CSNK2A2IP: variants seen among roughly 807,000 people sequenced by gnomAD.
CSNK2A2IP encodes the protein casein kinase II subunit alpha'-interacting protein.
chr3:88,352,115 A>AT, the CSNK2A2IP span, among the ~76,000 whole-genome samples: 5 of 152,194 alleles, frequency 3.3e-5, no homozygotes, highest in African/African-American at 9.6e-5. Context: ...TTGTAATTCC[A>AT]TTTTTTTACT....
chr3:88,449,874 T>TACATATAGAGAGAGAGAGAGAGAG, the CSNK2A2IP span, among the ~76,000 whole-genome samples: 1 of 70,046 alleles, frequency 1.4e-5, no homozygotes, highest in Non-Finnish European at 3.2e-5. Flanking sequence ...TATATATATA[T>TACATATAGAGAGAGAGAGAGAGAG]AGAGAGAGAG....
At chr3:88,385,118 G>A in the CSNK2A2IP span, among the ~76,000 whole-genome samples, 5 of 152,176 alleles carry the variant, frequency 3.3e-5, no homozygotes, top group Non-Finnish European at 5.9e-5. Context: ...ATCACCTTGG[G>A]AGAGAGTATA....
the CSNK2A2IP span, among the ~76,000 whole-genome samples, chr3:88,366,918 A>G: frequency 2.6e-5 from 4 of 152,098 alleles, no homozygotes; most frequent in African/African-American, 9.7e-5. Flanking sequence ...AGCAAGACAG[A>G]ATGAGAGCCA....
At chr3:88,459,859 TG>T in the CSNK2A2IP span, among the ~76,000 whole-genome samples, 106 of 152,262 alleles carry the variant, frequency 7.0e-4, 1 homozygote, top group Non-Finnish European at 5.0e-4. Flanking sequence ...ATAACATCAT[TG>T]TTTTTTTTAA....
chr3:88,445,275 C>CAAA, the CSNK2A2IP span, among the ~76,000 whole-genome samples: 330 of 47,742 alleles, frequency 6.9e-3, 6 homozygotes, highest in African/African-American at 0.021. Flanking sequence ...GTAAAAATAC[C>CAAA]AAAAAAAAAA....
At chr3:88,376,838 T>C in the CSNK2A2IP span, among the ~76,000 whole-genome samples, 1 of 151,774 alleles carries the variant, frequency 6.6e-6, no homozygotes, top group Non-Finnish European at 1.5e-5. Flanking sequence ...TTAAACCCAA[T>C]GACTTTTCTG....
the CSNK2A2IP span, among the ~76,000 whole-genome samples, chr3:88,396,196 CTG>C: frequency 1.3e-5 from 2 of 150,654 alleles, no homozygotes; most frequent in African/African-American, 2.4e-5. Context: ...GCTCCGCCCC[CTG>C]GGGTTCACGC....
At chr3:88,385,867 C>T in the CSNK2A2IP span, among the ~76,000 whole-genome samples, 1 of 152,098 alleles carries the variant, frequency 6.6e-6, no homozygotes, top group South Asian at 2.1e-4. Context: ...TTTATAGCTT[C>T]TACTTTCTCA....
the CSNK2A2IP span, among the ~76,000 whole-genome samples, chr3:88,452,553 T>C: frequency 2.0e-5 from 3 of 152,122 alleles, no homozygotes; most frequent in Non-Finnish European, 4.4e-5. Context: ...CCTACAGAGC[T>C]CATGGATAGA....
the CSNK2A2IP span, among the ~76,000 whole-genome samples, chr3:88,426,117 C>T: frequency 2.0e-5 from 3 of 152,072 alleles, no homozygotes; most frequent in Non-Finnish European, 4.4e-5. Flanking sequence ...AATTAAAAAA[C>T]CCAAAGGAAT....
the CSNK2A2IP span, among the ~76,000 whole-genome samples, chr3:88,450,791 TA>T: frequency 6.6e-6 from 1 of 152,160 alleles, no homozygotes; most frequent in Admixed American, 6.6e-5. Context: ...TTTGCTATTG[TA>T]AATAATGCTG....
the CSNK2A2IP span, among the ~76,000 whole-genome samples, chr3:88,403,027 A>T: frequency 6.6e-6 from 1 of 152,084 alleles, no homozygotes; most frequent in Admixed American, 6.6e-5. Flanking sequence ...TGTCCTAATG[A>T]TCTCATGCAT....
the CSNK2A2IP span, among the ~76,000 whole-genome samples, chr3:88,447,045 G>A: frequency 2.0e-5 from 3 of 152,070 alleles, no homozygotes; most frequent in Non-Finnish European, 2.9e-5. Context: ...CAATTTCTCA[G>A]GCATGATGAA....
the CSNK2A2IP span, among the ~76,000 whole-genome samples, chr3:88,399,257 T>C: frequency 1.3e-5 from 2 of 152,158 alleles, no homozygotes; most frequent in Admixed American, 6.5e-5. Flanking sequence ...TAGAGCAAAA[T>C]GGTTGTCTGA....
chr3:88,439,015 C>A, the CSNK2A2IP span, among the ~76,000 whole-genome samples: 1 of 152,144 alleles, frequency 6.6e-6, no homozygotes, highest in Non-Finnish European at 1.5e-5. Flanking sequence ...TTTTCTCTAG[C>A]CTGATTGCGT....
At chr3:88,465,893 T>A in the CSNK2A2IP span, 1 of 1,231,460 alleles carries the variant, frequency 8.1e-7, no homozygotes, top group Non-Finnish European at 1.0e-6. Flanking sequence ...CATCAAAGAG[T>A]CTCAAGTTCA....
the CSNK2A2IP span, among the ~76,000 whole-genome samples, chr3:88,391,066 T>C: frequency 6.6e-6 from 1 of 152,196 alleles, no homozygotes; most frequent in African/African-American, 2.4e-5. Context: ...GTATGCTCAG[T>C]TTCTGCTTAG....
At chr3:88,370,398 A>G in the CSNK2A2IP span, among the ~76,000 whole-genome samples, 1 of 151,894 alleles carries the variant, frequency 6.6e-6, no homozygotes, top group East Asian at 1.9e-4. Flanking sequence ...GGCTAGACAG[A>G]TATATTCACA....
chr3:88,449,393 C>T, the CSNK2A2IP span, among the ~76,000 whole-genome samples: 1 of 151,954 alleles, frequency 6.6e-6, no homozygotes, highest in Non-Finnish European at 1.5e-5. Flanking sequence ...AGAAAATAAC[C>T]TTGTTTGCTA....
Sources: gnomAD v4.1 joint callset for allele counts (sites outside exome capture counted in the v4.1 genomes callset) on GRCh38, gnomAD v4.1.1 for gene constraint, MANE v1.5 for transcripts, NCBI Gene and HGNC (gene_info 2026-07-23, HGNC 2026-07-21) for gene names.